The following GOLM1 variants were observed in gnomAD, a reference collection of about 807,000 sequenced individuals.
GOLM1 encodes the protein epididymis luminal protein 46.
GOLM1 carries 31 observed loss-of-function variants against 50.5 expected under a neutral mutation model. The observed-to-expected ratio is 0.61, with a 90% CI of 0.46 to 0.83. The LOEUF is 0.83. Among genes scored for constraint, GOLM1 ranks in the 40% least tolerant of loss-of-function variants. The pLI, the probability that GOLM1 is intolerant of heterozygous loss-of-function variation, is 0.00. For synonymous variants in GOLM1, 178 were observed against 192.8 expected, an observed-to-expected ratio of 0.92 and a Z score of 0.64; for missense variants, 491 against 501.3, an observed-to-expected ratio of 0.98 and a Z score of 0.20.
rs1049801756 is a variant in GOLM1, at chr9:86,065,759, G to A, written c.309+11653C>T. Among the ~76,000 whole-genome samples, 9 of 152,128 alleles carry A rather than the reference G, an allele frequency of 5.9e-5. 1 individual carries two copies. The South Asian group carries it at 8.3e-4, about 14-fold the overall frequency. On this transcript the variant is annotated intron_variant, in intron 3 of 9. Coordinates refer to ENST00000388712, the MANE Select transcript of GOLM1 (RefSeq NM_016548.4). ...GTTAGAAATTAAATATGTTCATGTC[G>A]GGCTGGGTGCGGTGGCACACACCTG... is the stretch of plus-strand genomic sequence containing the variant.
At chr9:86,028,912 G>T (rs1002352202) in intron 9 of GOLM1, among the ~76,000 whole-genome samples, 1 of 146,078 alleles carries the variant, frequency 6.8e-6, no homozygotes, top group Non-Finnish European at 1.5e-5. Flanking sequence ...GCAGTCGTGC[G>T]ATCTCAGCTC....
At chr9:86,058,908 G>A (rs1454392810) in intron 3 of GOLM1, among the ~76,000 whole-genome samples, 3 of 152,122 alleles carry the variant, frequency 2.0e-5, no homozygotes, top group African/African-American at 7.2e-5. Flanking sequence ...GAGGTAGGGA[G>A]AATCGCTTGA....
intron 3 of GOLM1, among the ~76,000 whole-genome samples, chr9:86,053,585 A>ACTCCACACCAGAACACACACCATG (rs1833867556): frequency 7.2e-4 from 1 of 1,386 alleles, no homozygotes; most frequent in Non-Finnish European, 3.3e-3. Context: ...CACACCACAC[A>ACTCCACACCAGAACACACACCATG]CCACACCACT....
chr9:86,053,838 ACCACACCACACCACT>A (rs972205345), intron 3 of GOLM1, among the ~76,000 whole-genome samples: 23 of 145,914 alleles, frequency 1.6e-4, no homozygotes, highest in South Asian at 1.5e-3. Context: ...ACCAAACCAC[ACCACACCACACCACT>A]CTACACCACA....
At chr9:86,099,682 G>A (rs1384748260), upstream of GOLM1, 4 of 151,166 alleles carry the variant, frequency 2.6e-5, no homozygotes, top group East Asian at 7.8e-4. Flanking sequence ...CCGGCCCCAC[G>A]GTGCGCGCGC....
intron 1 of GOLM1, among the ~76,000 whole-genome samples, chr9:86,087,377 C>T (rs1835010074): frequency 6.6e-6 from 1 of 152,228 alleles, no homozygotes; most frequent in South Asian, 2.1e-4. Context: ...AATATACAAT[C>T]ATGTTGTCTG....
Position 86,077,502 on chromosome 9 carries a change from C to G in GOLM1, c.219G>C (p.Glu73Asp). ...VELKKNEFQG[E>D]LEKQREQLDK... ...CAAGCTGCTCCCGCTGCTTCTCCAG[C>G]TCTCCCTGGAACTCGTTCTTCTTCA... Residue 73 changes from glutamate (E) to aspartate (D), a missense_variant, in exon 3 of 10, where the codon GAG (glutamate) becomes GAC (aspartate). Transcript: ENST00000388712. The G allele has an allele frequency of 1.2e-6, 2 of 1,613,594 alleles. No homozygotes were observed. The highest frequency in any genetic ancestry group is 1.7e-6 in the Non-Finnish European group (2 of 1,179,466).
intron 1 of GOLM1, chr9:86,079,944 A>G (rs1834738661): frequency 9.2e-6 from 1 of 108,326 alleles, no homozygotes; most frequent in Non-Finnish European, 2.3e-5. Context: ...GTGAATGTGA[A>G]CTCCCCCCCA....
At chr9:86,079,106 A>C in intron 2 of GOLM1, 86 bp downstream of exon 2, 1 of 1,262,006 alleles carries the variant, frequency 7.9e-7, no homozygotes, top group Non-Finnish European at 1.1e-6. Context: ...GGCTGGCAAT[A>C]AACAACAAAC....
chr9:86,053,529 CCACACCAAACCACACCAAACACACACTA>C (rs1833855623), intron 3 of GOLM1, among the ~76,000 whole-genome samples: 1 of 86,460 alleles, frequency 1.2e-5, no homozygotes, highest in African/African-American at 3.7e-5. Context: ...ACACACCACT[CCACACCAAACCACACCAAACACACACTA>C]CACACACACA....
At chr9:86,086,670 T>C (rs1029736250) in intron 1 of GOLM1, among the ~76,000 whole-genome samples, 6 of 152,256 alleles carry the variant, frequency 3.9e-5, no homozygotes, top group Non-Finnish European at 7.3e-5. Context: ...TTTCTGCATA[T>C]GGCTTGCCAG....
At chr9:86,075,002 T>A (rs1018889094) in intron 3 of GOLM1, among the ~76,000 whole-genome samples, 1 of 152,206 alleles carries the variant, frequency 6.6e-6, no homozygotes, top group African/African-American at 2.4e-5. Flanking sequence ...ATGGAGGCGA[T>A]AATGTTAGGA....
chr9:86,058,931 G>A (rs1002794615), intron 3 of GOLM1, among the ~76,000 whole-genome samples: 3 of 152,268 alleles, frequency 2.0e-5, no homozygotes, highest in Admixed American at 2.0e-4. Flanking sequence ...CCAGGAGGCG[G>A]AAGTTGCAGT....
intron 3 of GOLM1, among the ~76,000 whole-genome samples, chr9:86,060,078 T>C (rs1834113374): frequency 6.6e-6 from 1 of 152,206 alleles, no homozygotes; most frequent in African/African-American, 2.4e-5. Context: ...ATTAATATTT[T>C]ATTTACCCTA....
intron 1 of GOLM1, among the ~76,000 whole-genome samples, chr9:86,081,550 T>C: frequency 6.6e-6 from 1 of 152,098 alleles, no homozygotes; most frequent in Non-Finnish European, 1.5e-5. Context: ...GCAGGGACTT[T>C]TCCAAATGGC....
chr9:86,031,065 C>T (rs1440979392), intron 9 of GOLM1, among the ~76,000 whole-genome samples: 41 of 152,104 alleles, frequency 2.7e-4, no homozygotes, highest in Non-Finnish European at 2.9e-4. Context: ...CAAATATTAG[C>T]TGGACGTGGT....
chr9:86,084,680 C>A (rs976651759), intron 1 of GOLM1, among the ~76,000 whole-genome samples: 1 of 152,084 alleles, frequency 6.6e-6, no homozygotes, highest in African/African-American at 2.4e-5. Context: ...AGATCTTAAC[C>A]ATATCCAAAA....
At chr9:86,080,438 T>C (rs1436555594) in intron 1 of GOLM1, among the ~76,000 whole-genome samples, 6 of 152,040 alleles carry the variant, frequency 3.9e-5, no homozygotes, top group African/African-American at 7.2e-5. Context: ...ACAGAGAGCC[T>C]TTTACACCAG....
chr9:86,033,338 G>C lies in GOLM1; in HGVS notation c.1073C>G (p.Ala358Gly). The change falls in exon 9 of 10, where the codon GCA becomes GGA. Residue 358 changes from alanine (A) to glycine (G), a missense_variant. Physicochemically the swap from Ala to Gly is moderately conservative, Grantham distance 60 (BLOSUM62 0). Coordinates refer to ENST00000388712, the MANE Select transcript of GOLM1 (RefSeq NM_016548.4). ...TGCTTGCTTGTCTGTCTCAGATTCT[G>C]CTTCATTTTCATCCATGTTGTAGTC... ...EDDYNMDENE[A>G]ESETDKQAAL... is the part of the protein sequence containing the mutation. 3 of 1,613,560 alleles carry C rather than the reference G, an allele frequency of 1.9e-6. No homozygotes were observed. The highest frequency in any genetic ancestry group is 2.5e-6 in the Non-Finnish European group (3 of 1,179,490).
Sources: allele counts gnomAD v4.1 joint callset (sites outside exome capture counted in the v4.1 genomes callset), GRCh38; gene constraint gnomAD v4.1.1; transcripts MANE v1.5; gene names NCBI Gene and HGNC (gene_info 2026-07-23, HGNC 2026-07-21).